RAB3GAP2: variants seen among roughly 807,000 people sequenced by gnomAD.
The protein encoded by RAB3GAP2 is RAB3 GTPase activating non-catalytic protein subunit 2.
Under a neutral mutation model 185.3 loss-of-function variants are expected in RAB3GAP2, and 87 were observed. That is an observed-to-expected ratio of 0.47 (90% confidence interval 0.39 to 0.56). The LOEUF is 0.56. Ranked by LOEUF, RAB3GAP2 falls within the 20% of genes least tolerant of loss-of-function variation. The pLI is 0.00. For synonymous variants in RAB3GAP2, 554 were observed against 576.1 expected (o/e 0.96, Z 0.55); for missense variants, 1,492 against 1,638.2 (o/e 0.91, Z 1.54).
intron 2 of RAB3GAP2, among the ~76,000 whole-genome samples, chr1:220,231,200 C>A (rs2102890857): frequency 6.6e-6 from 1 of 152,310 alleles, no homozygotes; most frequent in Non-Finnish European, 1.5e-5. Flanking sequence ...CAGTCTCAGT[C>A]CTGCTACATC....
chr1:220,187,783 T>C (rs1259438869), intron 17 of RAB3GAP2, among the ~76,000 whole-genome samples: 1 of 151,994 alleles, frequency 6.6e-6, no homozygotes, highest in Non-Finnish European at 1.5e-5. Context: ...CTACCCTCTG[T>C]AATATCCTTT....
At chr1:220,169,941 A>G (rs531035774) in intron 24 of RAB3GAP2, among the ~76,000 whole-genome samples, 1 of 152,376 alleles carries the variant, frequency 6.6e-6, no homozygotes, top group South Asian at 2.1e-4. Context: ...AGGATTATAA[A>G]TCATTCTTCT....
Position 220,156,757 on chromosome 1 carries a change from A to C in RAB3GAP2, c.3555+513T>G, listed in dbSNP as rs181159634. On this transcript the variant is annotated intron_variant, in intron 31 of 34. Transcript: ENST00000358951. ...ATTTACAATGAAGAAAATTGGCTTG[A>C]AGTAAGGAATTGGTGAGATAACTTC... 3.2e-4 allele frequency among the ~76,000 whole-genome samples: 48 copies of C among 152,342 alleles called. No individual in the cohort carries two copies. The East Asian group carries it at 8.3e-3, about 26-fold the overall frequency.
intron 1 of RAB3GAP2, among the ~76,000 whole-genome samples, chr1:220,244,145 G>A (rs528372867): frequency 3.9e-5 from 6 of 152,194 alleles, no homozygotes; most frequent in East Asian, 3.9e-4. Flanking sequence ...TGATATGATC[G>A]TACAAAAAAT....
In RAB3GAP2 at chr1:220,157,323, C is replaced by A. The variant is rs1182207214; in HGVS notation, c.3502G>T (p.Val1168Phe). 1.2e-5 allele frequency: 20 copies of A among 1,613,996 alleles called. No individual in the cohort carries two copies. Among genetic ancestry groups the A allele is most frequent in the Admixed American group, 5.0e-5 (3 of 59,982 alleles). ...HSILCSILYA[V>F]MRFSLKTVKP... ...ACGGTCTTCAGAGAAAACCTCATGACTGCATACAAGATGGAGCACAGGATG... is the reference window on the plus strand; with the variant it reads ...ACGGTCTTCAGAGAAAACCTCATGAATGCATACAAGATGGAGCACAGGATG... Residue 1168 changes from valine to phenylalanine, a missense_variant, in exon 31 of 35, where the codon GTC becomes TTC. This residue lies in a region of RAB3GAP2 where 387 missense variants were observed against 455.3 expected (regional missense o/e 0.85). Transcript: ENST00000358951.
At chr1:220,201,520 GAC>G (rs1304188521) in intron 9 of RAB3GAP2, among the ~76,000 whole-genome samples, 2 of 152,162 alleles carry the variant, frequency 1.3e-5, no homozygotes, top group Non-Finnish European at 2.9e-5. Flanking sequence ...GCTTTCTTGA[GAC>G]AGAGTCTCGC....
In RAB3GAP2 at chr1:220,151,025, T is replaced by A. The variant is rs1047275792; in HGVS notation, c.*226A>T. ...TAAACAGTAAAACATCTGTATTAAT[T>A]ATAACAGAGTTGACATTTGTTTATA... On this transcript the variant is annotated 3_prime_UTR_variant, in exon 35 of 35. Transcript: ENST00000358951. The A allele has an allele frequency of 3.9e-6, 2 of 513,586 alleles. No individual in the cohort carries two copies. The highest frequency in any genetic ancestry group is 6.8e-6 in the Non-Finnish European group (2 of 293,576). 31.8% of individuals were successfully genotyped at this position (513,586 alleles called of 1,614,324 possible).
chr1:220,182,179 T>TAA, intron 21 of RAB3GAP2, 78 bp downstream of exon 21: 20 of 1,174,478 alleles, frequency 1.7e-5, no homozygotes, highest in Admixed American at 1.1e-4. Context: ...AGACAATAGT[T>TAA]AAAAAAAAAA....
At chr1:220,169,488 T>A (rs1244260887) in intron 24 of RAB3GAP2, among the ~76,000 whole-genome samples, 1 of 152,232 alleles carries the variant, frequency 6.6e-6, no homozygotes, top group Non-Finnish European at 1.5e-5. Context: ...GCATTTGAGC[T>A]GGACCTTGAA....
At chr1:220,184,215 A>C in intron 18 of RAB3GAP2, 52 bp from the exon 19 acceptor site, 1 of 1,502,718 alleles carries the variant, frequency 6.7e-7, no homozygotes, top group Non-Finnish European at 9.2e-7. Flanking sequence ...ACAGACTCAT[A>C]AACAGGCTTT....
chr1:220,188,653 T>C (rs1658550454), intron 17 of RAB3GAP2, among the ~76,000 whole-genome samples: 1 of 152,176 alleles, frequency 6.6e-6, no homozygotes, highest in Admixed American at 6.5e-5. Context: ...CTAGTACAGT[T>C]GAAGAAGCTC....
chr1:220,233,636 G>A (rs180984406), intron 1 of RAB3GAP2, among the ~76,000 whole-genome samples: 67 of 151,990 alleles, frequency 4.4e-4, no homozygotes, highest in African/African-American at 1.4e-3. Context: ...CCAGAATCAC[G>A]CTGCCTAAGT....
intron 2 of RAB3GAP2, among the ~76,000 whole-genome samples, chr1:220,218,371 T>C (rs1432896361): frequency 1.3e-5 from 2 of 152,152 alleles, no homozygotes; most frequent in Non-Finnish European, 2.9e-5. Flanking sequence ...AATACGATAA[T>C]ATTATTATAT....
At chr1:220,262,371 GA>G (rs1471845906) in intron 1 of RAB3GAP2, among the ~76,000 whole-genome samples, 2 of 152,116 alleles carry the variant, frequency 1.3e-5, no homozygotes, top group East Asian at 3.9e-4. Context: ...TTTCTAAGTG[GA>G]CAGTTCAGTA....
intron 1 of RAB3GAP2, among the ~76,000 whole-genome samples, chr1:220,259,087 A>G (rs1422871604): frequency 6.6e-6 from 1 of 152,202 alleles, no homozygotes; most frequent in African/African-American, 2.4e-5. Context: ...AGAGGACACA[A>G]ATAAATGGAA....
Position 220,210,391 on chromosome 1 carries a change from C to T in RAB3GAP2, c.609G>A (p.Glu203=). 1 of 1,613,154 alleles carries T rather than the reference C, an allele frequency of 6.2e-7. No individual in the cohort carries two copies. The highest frequency in any genetic ancestry group is 1.3e-5 in the African/African-American group (1 of 74,998). ...YEIPRHPGVT[E]QNEELSILYP... ...GGAACACAATTTTTTACACTACCTG[C>T]TCAGTCACGCCGGGATGTCGTGGTA... is the stretch of plus-strand genomic sequence containing the variant. Residue 203 remains glutamate, a synonymous_variant, in exon 7 of 35, where the codon GAG becomes GAA. Transcript: ENST00000358951.
chr1:220,231,755 A>G (rs1219990151), intron 2 of RAB3GAP2, among the ~76,000 whole-genome samples: 1 of 152,228 alleles, frequency 6.6e-6, no homozygotes, highest in Non-Finnish European at 1.5e-5. Context: ...GTAGCTCCCT[A>G]ACTCCTGAAA....
At chr1:220,210,510 G>C in intron 6 of RAB3GAP2, 21 bp from the exon 7 acceptor site, 2 of 1,574,182 alleles carry the variant, frequency 1.3e-6, no homozygotes, top group Non-Finnish European at 1.7e-6. Flanking sequence ...GCACAGAGAA[G>C]GGCCCTGCTT....
chr1:220,195,026 T>C, intron 12 of RAB3GAP2, 52 bp downstream of exon 12: 2 of 1,527,262 alleles, frequency 1.3e-6, no homozygotes, highest in East Asian at 2.3e-5. Context: ...GACCATACAT[T>C]TAACAGTACC....
Sources: allele counts gnomAD v4.1 joint callset (sites outside exome capture counted in the v4.1 genomes callset), GRCh38; gene constraint gnomAD v4.1.1; regional missense constraint gnomAD v4.1.1; transcripts MANE v1.5; gene names NCBI Gene and HGNC (gene_info 2026-07-23, HGNC 2026-07-21).